Variants in KRT8 observed in about 807,000 individuals in gnomAD.
KRT8 encodes the protein keratin 8.
Under a neutral mutation model 43.0 loss-of-function variants are expected in KRT8, and 24 were observed. That is an observed-to-expected ratio of 0.56 (90% CI 0.40 to 0.78). The LOEUF is 0.78. Among genes scored for constraint, KRT8 ranks in the 30% least tolerant of loss-of-function variants. The pLI is 0.00. For synonymous variants in KRT8, 214 were observed against 261.2 expected (o/e 0.82, Z 1.74); for missense variants, 492 against 638.4 (o/e 0.77, Z 2.47).
chr12:52,906,246 G>A (rs1431354812), upstream of KRT8, among the ~76,000 whole-genome samples: 2 of 152,160 alleles, frequency 1.3e-5, no homozygotes, highest in African/African-American at 4.8e-5. Context: ...GAACGCAGGG[G>A]TTGGGGGGGG....
intron 2 of KRT8, among the ~76,000 whole-genome samples, chr12:52,935,984 T>C (rs1176294729): frequency 6.6e-6 from 1 of 152,114 alleles, no homozygotes; most frequent in Non-Finnish European, 1.5e-5. Flanking sequence ...CTGGGCGAGG[T>C]GGCTAATGCC....
At chr12:52,941,540 G>A (rs1270925980) in intron 2 of KRT8, among the ~76,000 whole-genome samples, 1 of 139,358 alleles carries the variant, frequency 7.2e-6, no homozygotes, top group Admixed American at 7.7e-5. Flanking sequence ...CCAGGCTGGA[G>A]TGCAATGGCG....
chr12:52,936,761 C>T (rs556406892), intron 2 of KRT8, among the ~76,000 whole-genome samples: 12 of 152,196 alleles, frequency 7.9e-5, no homozygotes, highest in Non-Finnish European at 7.4e-5. Flanking sequence ...GTGATCCGCC[C>T]GTCTTGGCCT....
At chr12:52,949,663 G>A (rs776589260) in intron 1 of KRT8, 51 of 1,368,218 alleles carry the variant, frequency 3.7e-5, no homozygotes, top group Non-Finnish European at 5.0e-5. Context: ...GCCTCTTTCC[G>A]TCATTCCATA....
intron 7 of KRT8, among the ~76,000 whole-genome samples, 159 bp downstream of exon 7, chr12:52,898,302 G>A (rs901592534): frequency 9.2e-5 from 14 of 152,150 alleles, no homozygotes; most frequent in Non-Finnish European, 1.9e-4. Context: ...AGTTATTACT[G>A]GGGTCCTGAA....
At position 52,925,508 on chromosome 12, in the gene KRT8, C is replaced by T. The variant is rs574067200; in HGVS notation, c.-46-20481G>A. On this transcript the variant is annotated intron_variant, in intron 2 of 6. Coordinates refer to the KRT8 transcript ENST00000546826. ...CTCTTCCCCTGCAGGTATCCCCCTC[C>T]GTCATCCTGGCCTTGCCCCATTGAT... 8.6e-4 allele frequency among the ~76,000 whole-genome samples: 131 copies of T among 152,144 alleles called. 3 individuals are homozygous for T. The highest frequency in any genetic ancestry group is 9.2e-4 in the Admixed American group (14 of 15,274).
chr12:52,937,295 C>T (rs549682163), intron 2 of KRT8, among the ~76,000 whole-genome samples: 4 of 151,770 alleles, frequency 2.6e-5, no homozygotes, highest in Non-Finnish European at 5.9e-5. Context: ...TGCTAGAACT[C>T]GGGAGGCAGA....
intron 2 of KRT8, chr12:52,926,344 C>A: frequency 2.2e-6 from 2 of 891,320 alleles, no homozygotes; most frequent in Non-Finnish European, 3.4e-6. Flanking sequence ...CCTCCCCACC[C>A]CACCCCCAGG....
chr12:52,936,077 C>A (rs1156444405), intron 2 of KRT8, among the ~76,000 whole-genome samples: 1 of 151,856 alleles, frequency 6.6e-6, no homozygotes, highest in East Asian at 1.9e-4. Flanking sequence ...CATGGTGAAA[C>A]CCCGTCTGTA....
chr12:52,919,632 A>ATTATT (rs1371734957), intron 2 of KRT8, among the ~76,000 whole-genome samples: 9 of 151,574 alleles, frequency 5.9e-5, no homozygotes, highest in Non-Finnish European at 1.0e-4. Context: ...TATATTATAT[A>ATTATT]TTATTTTATT....
At chr12:52,945,119 TC>T (rs1465391394) in intron 2 of KRT8, among the ~76,000 whole-genome samples, 1 of 152,190 alleles carries the variant, frequency 6.6e-6, no homozygotes, top group Non-Finnish European at 1.5e-5. Flanking sequence ...GCAGGAGGAT[TC>T]CCATTCCACC....
intron 3 of KRT8, 26 bp from the exon 4 acceptor site, chr12:52,900,709 G>A: frequency 6.4e-7 from 1 of 1,558,692 alleles, no homozygotes; most frequent in Non-Finnish European, 8.8e-7. Flanking sequence ...AGGGGAGCCT[G>A]AGCTGGGTTT....
chr12:52,899,752 C>T, intron 5 of KRT8, 23 bp downstream of exon 5: 1 of 1,571,406 alleles, frequency 6.4e-7, no homozygotes, highest in Non-Finnish European at 8.7e-7. Flanking sequence ...AGGAACCCCT[C>T]CCACCCCCAA....
At chr12:52,917,517 G>A (rs1288114369) in intron 2 of KRT8, among the ~76,000 whole-genome samples, 1 of 151,600 alleles carries the variant, frequency 6.6e-6, no homozygotes, top group Admixed American at 6.6e-5. Flanking sequence ...AGACCACCCT[G>A]GCCAATATGG....
At chr12:52,932,152 G>A (rs1942095398) in intron 2 of KRT8, among the ~76,000 whole-genome samples, 1 of 147,066 alleles carries the variant, frequency 6.8e-6, no homozygotes, top group African/African-American at 2.5e-5. Flanking sequence ...GGAGTGCAGT[G>A]GCACGATCTC....
At chr12:52,920,844 G>A (rs1049007934) in intron 2 of KRT8, among the ~76,000 whole-genome samples, 1 of 152,198 alleles carries the variant, frequency 6.6e-6, no homozygotes, top group Admixed American at 6.5e-5. Flanking sequence ...TTCAAGACCA[G>A]CCTGGACAAC....
intron 2 of KRT8, among the ~76,000 whole-genome samples, chr12:52,934,687 G>T (rs1305929069): frequency 6.6e-6 from 1 of 151,940 alleles, no homozygotes; most frequent in Non-Finnish European, 1.5e-5. Context: ...GATAGATACA[G>T]GCCAGGTGCG....
intron 2 of KRT8, among the ~76,000 whole-genome samples, chr12:52,930,214 A>G (rs1199584576): frequency 1.0e-5 from 1 of 99,268 alleles, no homozygotes; most frequent in African/African-American, 4.8e-5. Flanking sequence ...TGCCAATTCT[A>G]TCATTTTTTT....
At chr12:52,904,779 A>G in exon 1 of KRT8, 1 of 1,612,236 alleles carries the variant, frequency 6.2e-7, no homozygotes, top group Non-Finnish European at 8.5e-7. Context: ...GCTCTGGTTG[A>G]CCGTAACTGC....
Sources: allele counts gnomAD v4.1 joint callset (sites outside exome capture counted in the v4.1 genomes callset), GRCh38; gene constraint gnomAD v4.1.1; transcripts MANE v1.5; gene names NCBI Gene and HGNC (gene_info 2026-07-23, HGNC 2026-07-21).